The following CTC1 variants were observed in gnomAD, a reference collection of about 807,000 sequenced individuals.
CTC1 encodes CST telomere replication complex component 1, also known as CST complex subunit CTC1.
A neutral mutation model predicts 136.3 loss-of-function variants in CTC1; 91 were observed. The ratio of observed to expected loss-of-function variants is 0.67; its 90% confidence interval spans 0.56 to 0.79. The LOEUF (loss-of-function observed/expected upper bound fraction) is 0.79, where lower values mean the gene tolerates loss of function less well. CTC1 is among the 30% of genes least tolerant of loss of function. The probability of loss-of-function intolerance (pLI) is 0.00; values close to 1 mark genes in which losing one functional copy is unlikely to be tolerated. For missense variants in CTC1, 1,432 were observed against 1,498.1 expected, an observed-to-expected ratio of 0.96 and a Z score of 0.73; for synonymous variants, 606 against 613.8, an observed-to-expected ratio of 0.99 and a Z score of 0.19.
intron 1 of CTC1, 144 bp from the exon 2 acceptor site, chr17:8,243,292 G>A: frequency 1.4e-6 from 1 of 690,606 alleles, no homozygotes; most frequent in Non-Finnish European, 2.3e-6. Context: ...GGCTGAGGCA[G>A]GCGGATCACT....
Position 8,238,433 on chromosome 17 carries a change from T to C in CTC1, c.394A>G (p.Ser132Gly). The C allele has an allele frequency of 6.2e-7, 1 of 1,614,206 alleles. No individual in the cohort carries two copies. The highest frequency in any genetic ancestry group is 8.5e-7 in the Non-Finnish European group (1 of 1,180,038). ...CCAGTGTTATCTCTCACATAGAGGCTTCCGTTCCTGCACTCTTGTTCCAAG... is the reference window on the plus strand; with the variant it reads ...CCAGTGTTATCTCTCACATAGAGGCCTCCGTTCCTGCACTCTTGTTCCAAG... The part of the protein sequence containing the change: ...ADLEQECRNG[S>G]LYVRDNTGVL... The change falls in exon 3 of 23, where the codon AGC (serine) becomes GGC (glycine). Residue 132 changes from serine to glycine, a missense_variant. Transcript: ENST00000651323.
Position 8,228,088 on chromosome 17 carries a change from G to A in CTC1, c.*92C>T. ...GCAGTTTGTGAATCTGGAGTCCTTG[G>A]TTCAATCACAGAACAAGTAGGGAGA... On this transcript the variant is annotated 3_prime_UTR_variant, in exon 23 of 23. Coordinates refer to ENST00000651323, the MANE Select transcript of CTC1 (RefSeq NM_025099.6). 1 of 1,277,224 alleles carries A rather than the reference G, an allele frequency of 7.8e-7. No homozygotes were observed. The allele number at this position is 1,277,224 out of a possible 1,614,324, so 79.1% of individuals were successfully genotyped here.
chr17:8,227,382 C>A lies in CTC1; in HGVS notation c.*798G>T, dbSNP rs1181021092. ...AGCACCTTCTGGTCTCAAGGTATAT[C>A]GATCAAGGATCTGCCTTAGGCCAGG... is the stretch of plus-strand genomic sequence containing the variant. On this transcript the variant is annotated 3_prime_UTR_variant, in exon 23 of 23. Transcript: ENST00000651323. The A allele has an allele frequency of 6.6e-6, 1 of 152,172 alleles. No homozygotes were observed. The highest frequency in any genetic ancestry group is 2.4e-5 in the African/African-American group (1 of 41,420). The allele number at this position is 152,172 out of a possible 1,614,324, so 9.4% of individuals were successfully genotyped here. A position where few individuals can be genotyped will look rare whatever the true frequency, so the allele number is the denominator to read the frequency against.
intron 1 of CTC1, 94 bp downstream of exon 1, chr17:8,247,910 G>A: frequency 7.4e-7 from 1 of 1,352,844 alleles, no homozygotes; most frequent in Non-Finnish European, 1.0e-6. Flanking sequence ...CGCGGCCAGC[G>A]AGCCCAGAGA....
intron 22 of CTC1, 35 bp from the exon 23 acceptor site, chr17:8,228,354 G>A (rs758751559): frequency 6.8e-6 from 11 of 1,610,296 alleles, no homozygotes; most frequent in Non-Finnish European, 9.3e-6. Context: ...ACACGTCTCA[G>A]GCATGTGGCT....
intron 2 of CTC1, among the ~76,000 whole-genome samples, chr17:8,239,767 C>T (rs1988057473): frequency 6.6e-6 from 1 of 152,042 alleles, no homozygotes. Context: ...AGTTACAAAA[C>T]ATCACAATTA....
At chr17:8,243,685 T>C (rs142705139) in intron 1 of CTC1, among the ~76,000 whole-genome samples, 2 of 152,314 alleles carry the variant, frequency 1.3e-5, no homozygotes, top group African/African-American at 4.8e-5. Flanking sequence ...CTTGTACTCA[T>C]GCCATCTTAC....
intron 7 of CTC1, chr17:8,235,515 C>A (rs553581257): frequency 4.9e-4 from 292 of 597,798 alleles, no homozygotes; most frequent in Non-Finnish European, 7.8e-4. Flanking sequence ...CCTGGATGAA[C>A]AGACATGGCT....
rs1328441377 is a variant in CTC1 at position 8,226,829 on chromosome 17, G to C, written c.*1351C>G. The C allele has an allele frequency of 2.6e-5, 4 of 151,672 alleles. No individual in the cohort carries two copies. Among genetic ancestry groups the C allele is most frequent in the Non-Finnish European group, 4.4e-5 (3 of 68,038 alleles). 9.4% of individuals were successfully genotyped at this position (151,672 alleles called of 1,614,324 possible). ...CCTTCCTTTCACCCGGGTGCCCAGA[G>C]ACTCCTCCCTCCAAGCCTTCGGGAG... On this transcript the variant is annotated 3_prime_UTR_variant, in exon 23 of 23. Coordinates refer to ENST00000651323, the MANE Select transcript of CTC1 (RefSeq NM_025099.6).
intron 2 of CTC1, among the ~76,000 whole-genome samples, chr17:8,239,756 G>A (rs931553082): frequency 2.0e-5 from 3 of 151,910 alleles, no homozygotes; most frequent in Non-Finnish European, 4.4e-5. Flanking sequence ...GAAAAGGATC[G>A]AGTTACAAAA....
Position 8,229,941 on chromosome 17 carries a change from C to T in CTC1, c.2961G>A (p.Arg987=). The T allele has an allele frequency of 1.9e-6, 3 of 1,613,978 alleles. No individual in the cohort carries two copies. The highest frequency in any genetic ancestry group is 2.5e-6 in the Non-Finnish European group (3 of 1,180,002). ...SRSHNVYCCF[R]SSTYVQVLSF... ...TCAGGACCTGCACATAAGTGGATGA[C>T]CGGAAACAACAATAAACATTGTGAG... is the stretch of plus-strand genomic sequence containing the variant. Residue 987 remains arginine, a synonymous_variant, in exon 18 of 23, where the codon CGG becomes CGA. Transcript: ENST00000651323.
rs1274817347 is a variant in CTC1, at chr17:8,237,406, G to C, written c.761C>G (p.Pro254Arg). The change falls in exon 5 of 23, where the codon CCA (proline) becomes CGA (arginine). Residue 254 changes from proline (P) to arginine (R), a missense_variant. Physicochemically the swap from Pro to Arg is moderately radical, Grantham distance 103 (BLOSUM62 -2). Transcript: ENST00000651323. ...GATGATGGACACGTGGGTGACAGCT[G>C]GGTGTGATCTACCAAGAGACAGGAT... ...YFILSLGRSH[P>R]AVTHVSIIVQ... 6.2e-7 allele frequency: 1 copy of C among 1,614,038 alleles called. No individual in the cohort carries two copies. The highest frequency in any genetic ancestry group is 8.5e-7 in the Non-Finnish European group (1 of 1,179,996).
chr17:8,235,095 A>C lies in CTC1; in HGVS notation c.1397T>G (p.Leu466Arg). The C allele has an allele frequency of 6.2e-7, 1 of 1,614,176 alleles. No individual in the cohort carries two copies. The highest frequency in any genetic ancestry group is 8.5e-7 in the Non-Finnish European group (1 of 1,180,028). The change falls in exon 8 of 23, where the codon CTC becomes CGC. Residue 466 changes from leucine (L) to arginine (R), a missense_variant. Physicochemically the swap from Leu to Arg is moderately radical, Grantham distance 102 (BLOSUM62 -2). Transcript: ENST00000651323. ...CAGGGCCTTGGTAGCCCACAGGTAG[A>C]GGGGAAGTCCTAACTGACGTTCCCA... ...LVWERQLGLP[L>R]YLWATKALEE...
chr17:8,236,329 A>G lies in CTC1; in HGVS notation c.806T>C (p.Leu269Pro). ...VSIIVQVPAQ[L>P]VWHRALRPGT... is the part of the protein sequence containing the mutation. The stretch of plus-strand genomic sequence containing the variant: ...AGGCCGAAGGGCTCTGTGCCACACC[A>G]GCTGGGCAGGGACCTGGCTTGTGCA... Residue 269 changes from leucine to proline, a missense_variant, in exon 6 of 23, where the codon CTG becomes CCG. Leu to Pro is a moderately conservative substitution (Grantham distance 98). Coordinates refer to ENST00000651323, the MANE Select transcript of CTC1 (RefSeq NM_025099.6). The G allele has an allele frequency of 6.2e-7, 1 of 1,607,306 alleles. No homozygotes were observed. Among genetic ancestry groups the G allele is most frequent in the Non-Finnish European group, 8.5e-7 (1 of 1,179,708 alleles).
Position 8,248,048 on chromosome 17 carries a change from G to A in CTC1, c.-12C>T. On this transcript the variant is annotated 5_prime_UTR_variant, in exon 1 of 23. Transcript: ENST00000651323. ...CGGCCAGCCGCCATGATGCGCCGGA[G>A]CTCCGCCCCCGGGAGGGGCAGGTGC... is the stretch of plus-strand genomic sequence containing the variant. The A allele has an allele frequency of 3.5e-6, 5 of 1,425,138 alleles. No homozygotes were observed. The highest frequency in any genetic ancestry group is 4.7e-6 in the Non-Finnish European group (5 of 1,058,886). The allele number at this position is 1,425,138 out of a possible 1,614,324, so 88.3% of individuals were successfully genotyped here.
At chr17:8,246,319 G>T (rs1988703190) in intron 1 of CTC1, among the ~76,000 whole-genome samples, 1 of 151,994 alleles carries the variant, frequency 6.6e-6, no homozygotes, top group African/African-American at 2.4e-5. Flanking sequence ...CACTGCATGG[G>T]TTTAACAGCC....
At chr17:8,242,547 AAAAAAAAT>A (rs1198733746) in intron 2 of CTC1, among the ~76,000 whole-genome samples, 48 of 96,808 alleles carry the variant, frequency 5.0e-4, no homozygotes, top group African/African-American at 1.3e-3. Context: ...AAAAAAAAAA[AAAAAAAAT>A]ATATATATAT....
At position 8,238,220 on chromosome 17, in the gene CTC1, C is replaced by T. The variant is rs2151530716; in HGVS notation, c.458G>A (p.Trp153Ter). The change falls in exon 4 of 23, where the codon TGG becomes TAG. Residue 153 changes from tryptophan (W) to a stop codon, truncating the protein, a stop_gained. Transcript: ENST00000651323. LOFTEE classifies it high-confidence loss of function. ...SCELIDLDLS[W>*]LGHLFLFPRW... ...GGGGAACAGAAAAAGATGGCCCAAC[C>T]AAGAAAGGTCCAGGTCTATGAGCTA... is the stretch of plus-strand genomic sequence containing the variant. The T allele has an allele frequency of 3.7e-6, 6 of 1,609,664 alleles. No homozygotes were observed. Among genetic ancestry groups the T allele is most frequent in the Non-Finnish European group, 5.1e-6 (6 of 1,176,700 alleles).
rs781123007 is a variant in CTC1, at chr17:8,227,764, G to C, written c.*416C>G. The C allele has an allele frequency of 3.8e-5, 6 of 158,846 alleles. No individual in the cohort carries two copies. Among genetic ancestry groups the C allele is most frequent in the Non-Finnish European group, 8.3e-5 (6 of 72,128 alleles). 9.8% of individuals were successfully genotyped at this position (158,846 alleles called of 1,614,324 possible). On this transcript the variant is annotated 3_prime_UTR_variant, in exon 23 of 23. Transcript: ENST00000651323. ...GATGAACGACTAGGAGTTCCTAGGA[G>C]GTGGACAACTAGGAGTCAGGAGGCC...
Sources: allele counts gnomAD v4.1 joint callset (sites outside exome capture counted in the v4.1 genomes callset), GRCh38; gene constraint gnomAD v4.1.1; transcripts MANE v1.5; gene names NCBI Gene and HGNC (gene_info 2026-07-23, HGNC 2026-07-21).